Variants in SIM1 observed in about 807,000 individuals in gnomAD.
The protein encoded by SIM1 is SIM bHLH transcription factor 1.
SIM1 carries 18 observed loss-of-function variants against 78.2 expected under a neutral mutation model. That is an observed-to-expected ratio of 0.23 (90% confidence interval 0.16 to 0.34). SIM1 has a LOEUF of 0.34. Among genes scored for constraint, SIM1 ranks in the 10% least tolerant of loss-of-function variants. The pLI is 1.00. For synonymous variants in SIM1, 417 were observed against 385.2 expected, an observed-to-expected ratio of 1.08 and a Z score of -0.97; for missense variants, 939 against 975.1, an observed-to-expected ratio of 0.96 and a Z score of 0.49.
chr6:100,420,896 A>T lies in SIM1; in HGVS notation c.1061T>A (p.Phe354Tyr). ...GGGGGTGGAGCTGCTGGTATAGGAG[A>T]AGGCTGGTTTGGAGGCTGAGATCTG... ...LDQISASKPA[F>Y]SYTSSSTPTM... is the part of the protein sequence containing the mutation. The change falls in exon 10 of 12, where the codon TTC (phenylalanine) becomes TAC (tyrosine). Residue 354 changes from phenylalanine to tyrosine, a missense_variant. This residue lies in a region of SIM1 where 556 missense variants were observed against 521.9 expected (regional missense o/e 1.07). Transcript: ENST00000369208. 1.9e-6 allele frequency: 3 copies of T among 1,613,898 alleles called. No homozygotes were observed. The highest frequency in any genetic ancestry group is 2.5e-6 in the Non-Finnish European group (3 of 1,179,954).
intron 11 of SIM1, 114 bp downstream of exon 11, chr6:100,393,373 T>C: frequency 1.0e-6 from 1 of 988,368 alleles, no homozygotes; most frequent in Non-Finnish European, 1.4e-6. Flanking sequence ...CCATTGGTTC[T>C]GATTTGTAAA....
In SIM1 at chr6:100,390,895, T is replaced by C. The variant is rs1357581908; in HGVS notation, c.1767A>G (p.Ser589=). ...ENRLQLRKAP[S]DQLASINGAG... ...CCCCATTAATGGAAGCCAGTTGGTC[T>C]GAGGGGGCTTTCCTTAGCTGTAATC... The change falls in exon 12 of 12, where the codon TCA becomes TCG. Residue 589 remains serine (S), a synonymous_variant. Transcript: ENST00000369208. 7 of 1,614,170 alleles carry C rather than the reference T, an allele frequency of 4.3e-6. No homozygotes were observed. The highest frequency in any genetic ancestry group is 5.1e-6 in the Non-Finnish European group (6 of 1,180,030).
rs763148184 is a variant in SIM1 at position 100,447,390 on chromosome 6, G to C, written c.876C>G (p.Thr292=). ...HLLLVKGQVT[T]KYYRFLAKHG... Reference sequence around the variant, plus strand: ...GTTTCGCCAGGAACCTGTAGTACTTGGTGGTCACCTGTCCCTTCACCAGCA... The same window carrying C: ...GTTTCGCCAGGAACCTGTAGTACTTCGTGGTCACCTGTCCCTTCACCAGCA... Residue 292 remains threonine (T), a synonymous_variant, in exon 9 of 12, where the codon ACC becomes ACG. Coordinates refer to ENST00000369208, the MANE Select transcript of SIM1 (RefSeq NM_005068.3). 6.2e-7 allele frequency: 1 copy of C among 1,614,266 alleles called. No homozygotes were observed. Among genetic ancestry groups the C allele is most frequent in the Non-Finnish European group, 8.5e-7 (1 of 1,180,058 alleles).
intron 3 of SIM1, 25 bp from the exon 4 acceptor site, chr6:100,450,381 TAG>T: frequency 6.2e-7 from 1 of 1,602,558 alleles, no homozygotes; most frequent in Non-Finnish European, 8.5e-7. Flanking sequence ...ATAGAGAGAA[TAG>T]AGAGCCCTCT....
chr6:100,446,841 G>A (rs1772369349), intron 9 of SIM1, among the ~76,000 whole-genome samples: 1 of 152,170 alleles, frequency 6.6e-6, no homozygotes, highest in South Asian at 2.1e-4. Context: ...ACTTTGATTG[G>A]AGACTCTGGT....
chr6:100,409,777 TTC>T (rs1771146582), intron 10 of SIM1, among the ~76,000 whole-genome samples: 1 of 152,194 alleles, frequency 6.6e-6, no homozygotes, highest in African/African-American at 2.4e-5. Flanking sequence ...TTTTTATTTA[TTC>T]TCTGATTCAT....
chr6:100,448,737 T>G (rs1486025783), intron 6 of SIM1, 59 bp from the exon 7 acceptor site: 1 of 1,491,418 alleles, frequency 6.7e-7, no homozygotes, highest in Non-Finnish European at 9.1e-7. Flanking sequence ...CCCCAAAAGG[T>G]GGAGAAGGGG....
At chr6:100,417,061 T>C (rs1001135331) in intron 10 of SIM1, among the ~76,000 whole-genome samples, 2 of 151,994 alleles carry the variant, frequency 1.3e-5, no homozygotes, top group Non-Finnish European at 2.9e-5. Flanking sequence ...CCACTTCTTC[T>C]TTGCTCTCAT....
At chr6:100,428,074 G>A (rs1187621095) in intron 9 of SIM1, among the ~76,000 whole-genome samples, 1 of 152,166 alleles carries the variant, frequency 6.6e-6, no homozygotes, top group Admixed American at 6.5e-5. Context: ...GTTTATGTGA[G>A]AGATTCTTAA....
chr6:100,390,062 C>T lies in SIM1; in HGVS notation c.*299G>A. ...TGCAATGTTGTCATTCATCAGTCCT[C>T]TCATGTAGTATATATGCACACTTGA... On this transcript the variant is annotated 3_prime_UTR_variant, in exon 12 of 12. Transcript: ENST00000369208. The T allele has an allele frequency of 2.2e-6, 1 of 446,460 alleles. No homozygotes were observed. The highest frequency in any genetic ancestry group is 4.5e-5 in the South Asian group (1 of 22,080). 27.7% of individuals were successfully genotyped at this position (446,460 alleles called of 1,614,324 possible).
chr6:100,439,272 GAAC>G (rs1562251135), intron 9 of SIM1, among the ~76,000 whole-genome samples: 1 of 152,140 alleles, frequency 6.6e-6, no homozygotes, highest in Non-Finnish European at 1.5e-5. Flanking sequence ...ACTGGGAAAA[GAAC>G]AACATGACAA....
At chr6:100,421,018 C>T in intron 9 of SIM1, 60 bp from the exon 10 acceptor site, 1 of 1,534,684 alleles carries the variant, frequency 6.5e-7, no homozygotes, top group Non-Finnish European at 8.9e-7. Flanking sequence ...TTCATGCATA[C>T]TCTCATCAGG....
chr6:100,453,687 A>G lies in SIM1; in HGVS notation c.258+75T>C, dbSNP rs1383182176. ...TTTTTTTTGTTTTTGTTTTCTGAGA[A>G]ACTAAAAGCTCAACTCAGGGCCAGG... On this transcript the variant is annotated intron_variant, in intron 3 of 11. Transcript: ENST00000369208. The G allele has an allele frequency of 1.4e-5, 15 of 1,090,284 alleles. No individual in the cohort carries two copies. The Admixed American group carries it at 3.8e-4, about 28-fold the overall frequency. The allele number at this position is 1,090,284 out of a possible 1,614,324, so 67.5% of individuals were successfully genotyped here.
chr6:100,445,351 A>G (rs1188759760), intron 9 of SIM1, among the ~76,000 whole-genome samples: 1 of 152,194 alleles, frequency 6.6e-6, no homozygotes, highest in East Asian at 1.9e-4. Flanking sequence ...CTGTGTATAT[A>G]TGCTTCTGTG....
intron 2 of SIM1, among the ~76,000 whole-genome samples, chr6:100,458,318 G>T (rs761777232): frequency 2.0e-5 from 3 of 152,194 alleles, no homozygotes; most frequent in African/African-American, 7.2e-5. Context: ...GCCCAGCTTT[G>T]GCTATGCCAC....
chr6:100,427,086 C>G (rs1031521518), intron 9 of SIM1: 1 of 152,216 alleles, frequency 6.6e-6, no homozygotes, highest in African/African-American at 2.4e-5. Flanking sequence ...CACTGTTACA[C>G]GAAGTGTATG....
chr6:100,446,461 G>C (rs1278781272), intron 9 of SIM1, among the ~76,000 whole-genome samples: 4 of 152,302 alleles, frequency 2.6e-5, no homozygotes, highest in South Asian at 4.1e-4. Context: ...CTTCATAAAG[G>C]CTTCAACCCT....
Position 100,390,602 on chromosome 6 carries a change from GT to G in SIM1, c.2059del (p.Thr687GlnfsTer27). ...YLHSDISPHQTAGDHPTVSPN... is the reference protein window; with the variant it reads ...YLHSDISPHQXAGDHPTVSPN... Reference sequence around the variant, plus strand: ...AGAGACAGTAGGGTGGTCTCCTGCTGTCTGATGAGGAGATATATCCGAATGC... The same window carrying G: ...AGAGACAGTAGGGTGGTCTCCTGCTGCTGATGAGGAGATATATCCGAATGC... On this transcript the variant is annotated frameshift_variant, in exon 12 of 12. Transcript: ENST00000369208. LOFTEE classifies it high-confidence loss of function. 1 of 1,614,240 alleles carries G rather than the reference GT, an allele frequency of 6.2e-7. No homozygotes were observed. Among genetic ancestry groups the G allele is most frequent in the Non-Finnish European group, 8.5e-7 (1 of 1,180,048 alleles).
intron 2 of SIM1, among the ~76,000 whole-genome samples, chr6:100,459,468 C>T (rs913934546): frequency 3.3e-5 from 5 of 152,158 alleles, no homozygotes; most frequent in African/African-American, 1.2e-4. Flanking sequence ...AACATGGAAA[C>T]CTAATGCTCA....
Sources: allele counts gnomAD v4.1 joint callset (sites outside exome capture counted in the v4.1 genomes callset), GRCh38; gene constraint gnomAD v4.1.1; regional missense constraint gnomAD v4.1.1; transcripts MANE v1.5; gene names NCBI Gene and HGNC (gene_info 2026-07-23, HGNC 2026-07-21).